PARD3: variants seen among roughly 807,000 people sequenced by gnomAD.
PARD3 encodes the protein partitioning defective 3 homolog.
Under a neutral mutation model 155.4 loss-of-function variants are expected in PARD3, and 75 were observed. That is an observed-to-expected ratio of 0.48 (90% CI 0.40 to 0.58). The LOEUF (loss-of-function observed/expected upper bound fraction) is 0.58. Among genes scored for constraint, PARD3 ranks in the 20% least tolerant of loss-of-function variants. PARD3 has a pLI of 0.00. For synonymous variants in PARD3, 576 were observed against 610.5 expected (o/e 0.94, Z 0.83); for missense variants, 1,642 against 1,721.7 (o/e 0.95, Z 0.82).
At chr10:34,709,265 C>A (rs984567462) in intron 1 of PARD3, among the ~76,000 whole-genome samples, 1 of 152,088 alleles carries the variant, frequency 6.6e-6, no homozygotes, top group Non-Finnish European at 1.5e-5. Flanking sequence ...ATTTTTTACA[C>A]GAAACCAAGT....
intron 2 of PARD3, among the ~76,000 whole-genome samples, chr10:34,583,572 A>G (rs1480697264): frequency 5.9e-5 from 9 of 152,152 alleles, no homozygotes; most frequent in Admixed American, 3.9e-4. Context: ...TCCATCAATC[A>G]GTCCAGCCTT....
chr10:34,661,360 C>T (rs146630138), intron 2 of PARD3, among the ~76,000 whole-genome samples: 2 of 152,190 alleles, frequency 1.3e-5, no homozygotes, highest in African/African-American at 4.8e-5. Context: ...AAGAAATGTA[C>T]AAATAAAGTA....
chr10:34,742,825 A>T (rs1321190532), intron 1 of PARD3, among the ~76,000 whole-genome samples: 1 of 152,180 alleles, frequency 6.6e-6, no homozygotes, highest in African/African-American at 2.4e-5. Flanking sequence ...CTCCATATTG[A>T]TCGTGAAGAA....
At chr10:34,430,171 T>C (rs981096864) in intron 5 of PARD3, among the ~76,000 whole-genome samples, 7 of 152,262 alleles carry the variant, frequency 4.6e-5, no homozygotes, top group African/African-American at 1.7e-4. Flanking sequence ...TCTTGAATTA[T>C]TGGCTATATG....
intron 2 of PARD3, among the ~76,000 whole-genome samples, chr10:34,586,214 G>A (rs533183799): frequency 1.3e-5 from 2 of 152,038 alleles, no homozygotes; most frequent in South Asian, 4.2e-4. Flanking sequence ...TATAAAAGAA[G>A]TAACGACCCT....
Position 34,394,471 on chromosome 10 carries a change from G to A in PARD3, c.890+4859C>T, listed in dbSNP as rs148036746. Among the ~76,000 whole-genome samples, 1,224 of 152,236 alleles carry A rather than the reference G, an allele frequency of 8.0e-3. 19 individuals carry two copies. The highest frequency in any genetic ancestry group is 0.028 in the African/African-American group (1,157 of 41,556). On this transcript the variant is annotated intron_variant, in intron 7 of 24. Coordinates refer to ENST00000374788, the MANE Select transcript of PARD3 (RefSeq NM_001184785.2). ...CTCCCAAGTGGCTGGGACCATAGGTGTATGCCAGCACACTCGGCTAACTTT... is the reference window on the plus strand; with the variant it reads ...CTCCCAAGTGGCTGGGACCATAGGTATATGCCAGCACACTCGGCTAACTTT...
At chr10:34,605,578 C>T (rs552183230) in intron 2 of PARD3, among the ~76,000 whole-genome samples, 3 of 31,408 alleles carry the variant, frequency 9.6e-5, no homozygotes, top group East Asian at 5.7e-4. Context: ...ATATATATCT[C>T]CTATATATAT....
Position 34,374,860 on chromosome 10 carries a change from C to T in PARD3, c.1668+14G>A. ...GCATATCAGAAATCTTTCATCTACTCTAAATTTACACACCAGTTCCCTTGG... is the reference window on the plus strand; with the variant it reads ...GCATATCAGAAATCTTTCATCTACTTTAAATTTACACACCAGTTCCCTTGG... On this transcript the variant is annotated intron_variant, in intron 11 of 24. Coordinates refer to ENST00000374788, the MANE Select transcript of PARD3 (RefSeq NM_001184785.2). 1.2e-6 allele frequency: 2 copies of T among 1,612,768 alleles called. No individual in the cohort carries two copies. Among genetic ancestry groups the T allele is most frequent in the Non-Finnish European group, 1.7e-6 (2 of 1,179,472 alleles).
At chr10:34,229,049 C>T (rs1427805096) in intron 22 of PARD3, among the ~76,000 whole-genome samples, 1 of 151,990 alleles carries the variant, frequency 6.6e-6, no homozygotes, top group Non-Finnish European at 1.5e-5. Context: ...CTTATCATTT[C>T]CTTCAGCCTC....
chr10:34,167,021 G>A lies in PARD3; in HGVS notation c.3420-35438C>T, dbSNP rs537494813. 4.6e-5 allele frequency among the ~76,000 whole-genome samples: 7 copies of A among 152,268 alleles called. No individual in the cohort carries two copies. The South Asian group carries it at 8.3e-4, about 18-fold the overall frequency. On this transcript the variant is annotated intron_variant, in intron 22 of 24. Transcript: ENST00000374788. ...AAAGACGCATGACCAATTTGTCTGG[G>A]CAGTAATGATGTAAACCTGCTGTAC...
chr10:34,275,658 T>C (rs1474086287), intron 21 of PARD3, among the ~76,000 whole-genome samples: 2 of 152,234 alleles, frequency 1.3e-5, no homozygotes, highest in Non-Finnish European at 2.9e-5. Context: ...ATTTCCACTC[T>C]GTGGAGATAC....
intron 1 of PARD3, among the ~76,000 whole-genome samples, chr10:34,717,471 C>T (rs1035500723): frequency 2.6e-5 from 4 of 152,124 alleles, no homozygotes; most frequent in South Asian, 4.1e-4. Flanking sequence ...GTATTAAACA[C>T]GCATTTATAA....
chr10:34,332,783 T>A (rs1835755695), intron 18 of PARD3, among the ~76,000 whole-genome samples: 1 of 152,210 alleles, frequency 6.6e-6, no homozygotes, highest in East Asian at 1.9e-4. Context: ...CTTTATTTTA[T>A]GACAAAAGTT....
At chr10:34,404,093 A>G (rs932580233) in intron 5 of PARD3, among the ~76,000 whole-genome samples, 3 of 152,180 alleles carry the variant, frequency 2.0e-5, no homozygotes, top group Non-Finnish European at 4.4e-5. Context: ...AAGAGCATGG[A>G]GAATATTATT....
In PARD3 at chr10:34,734,319, GC is replaced by G. The variant is rs2094871941; in HGVS notation, c.121-37901del. ...ATTACACATATAACAAATATATGGG[GC>G]CCTTTTTTTTTTTTTTTTTTTTTTT... On this transcript the variant is annotated intron_variant, in intron 1 of 24. Coordinates refer to ENST00000374788, the MANE Select transcript of PARD3 (RefSeq NM_001184785.2). Among the ~76,000 whole-genome samples the G allele has an allele frequency of 2.9e-5, 4 of 139,478 alleles. No individual in the cohort carries two copies. In the East Asian group the frequency reaches 6.2e-4, roughly 22 times the overall value. The allele number at this position is 139,478 out of a possible 152,430, so 91.5% of individuals were successfully genotyped here. A position where few individuals can be genotyped will look rare whatever the true frequency, so the allele number is the denominator to read the frequency against.
At chr10:34,336,298 T>C (rs773139664) in intron 17 of PARD3, 55 bp from the exon 18 acceptor site, 4 of 1,303,158 alleles carry the variant, frequency 3.1e-6, no homozygotes, top group Non-Finnish European at 4.4e-6. Context: ...TAGCCCACCA[T>C]GCTTCCACCA....
chr10:34,314,153 C>A (rs1018402312), intron 20 of PARD3, among the ~76,000 whole-genome samples: 2 of 150,080 alleles, frequency 1.3e-5, no homozygotes, highest in Non-Finnish European at 1.5e-5. Context: ...AGGAAGAGAC[C>A]AATTTTTAAA....
intron 4 of PARD3, among the ~76,000 whole-genome samples, chr10:34,450,880 G>A (rs2077019042): frequency 6.6e-6 from 1 of 152,026 alleles, no homozygotes; most frequent in Admixed American, 6.5e-5. Flanking sequence ...CTAAAAATAA[G>A]GAAGATTAAT....
chr10:34,311,744 C>T (rs1320159442), intron 20 of PARD3, among the ~76,000 whole-genome samples: 1 of 131,420 alleles, frequency 7.6e-6, no homozygotes, highest in Non-Finnish European at 1.5e-5. Flanking sequence ...TACACCACCA[C>T]CCCCCTGCCA....
Sources: gnomAD v4.1 joint callset for allele counts (sites outside exome capture counted in the v4.1 genomes callset) on GRCh38, gnomAD v4.1.1 for gene constraint, MANE v1.5 for transcripts, NCBI Gene and HGNC (gene_info 2026-07-23, HGNC 2026-07-21) for gene names.